The following ST8SIA4 variants were observed in gnomAD, a reference collection of about 807,000 sequenced individuals.
ST8SIA4 encodes the protein ST8 alpha-N-acetyl-neuraminide alpha-2,8-sialyltransferase 4.
Under a neutral mutation model 33.9 loss-of-function variants are expected in ST8SIA4, and 15 were observed. The ratio of observed to expected loss-of-function variants is 0.44; its 90% CI spans 0.30 to 0.68. The LOEUF is 0.68. Among genes scored for constraint, ST8SIA4 ranks in the 30% least tolerant of loss-of-function variants. The probability of loss-of-function intolerance (pLI) is 0.10; values close to 1 mark genes in which losing one functional copy is unlikely to be tolerated. For synonymous variants in ST8SIA4, 171 were observed against 151.2 expected (o/e 1.13, Z -0.96); for missense variants, 321 against 428.0 (o/e 0.75, Z 2.21).
chr5:100,856,759 A>G (rs1751822440), intron 3 of ST8SIA4, among the ~76,000 whole-genome samples: 1 of 152,208 alleles, frequency 6.6e-6, no homozygotes, highest in Admixed American at 6.5e-5. Context: ...GTCAATTTAA[A>G]CCACATGCTG....
At chr5:100,854,176 A>T (rs1751762360) in intron 4 of ST8SIA4, among the ~76,000 whole-genome samples, 1 of 148,198 alleles carries the variant, frequency 6.7e-6, no homozygotes, top group African/African-American at 2.5e-5. Flanking sequence ...TTTGTAACTT[A>T]AAAAAAAAAG....
intron 1 of ST8SIA4, among the ~76,000 whole-genome samples, chr5:100,901,564 C>T (rs182665949): frequency 3.0e-4 from 45 of 152,270 alleles, no homozygotes; most frequent in Admixed American, 2.9e-3. Context: ...CTTGTGTAAA[C>T]GACCTCATAC....
chr5:100,854,053 A>G (rs1751760301), intron 4 of ST8SIA4, among the ~76,000 whole-genome samples: 1 of 151,502 alleles, frequency 6.6e-6, no homozygotes, highest in Non-Finnish European at 1.5e-5. Context: ...TGTTTTTCAG[A>G]GTAACATGAT....
At chr5:100,874,475 A>G (rs1752262692) in intron 3 of ST8SIA4, among the ~76,000 whole-genome samples, 1 of 152,008 alleles carries the variant, frequency 6.6e-6, no homozygotes, top group African/African-American at 2.4e-5. Flanking sequence ...CACAGCATCA[A>G]TTTGATTCAT....
At chr5:100,897,794 G>A (rs1014433512) in intron 1 of ST8SIA4, among the ~76,000 whole-genome samples, 1 of 152,126 alleles carries the variant, frequency 6.6e-6, no homozygotes, top group Non-Finnish European at 1.5e-5. Flanking sequence ...AAAATGATAC[G>A]TTTGCATGCC....
chr5:100,892,386 A>G (rs1330898910), intron 2 of ST8SIA4, among the ~76,000 whole-genome samples: 1 of 152,134 alleles, frequency 6.6e-6, no homozygotes, highest in Admixed American at 6.6e-5. Context: ...TTTGAGTGCA[A>G]AGTTAGCTGT....
In ST8SIA4 at chr5:100,807,860, A is replaced by G. The variant is rs931986438; in HGVS notation, c.*3987T>C. On this transcript the variant is annotated 3_prime_UTR_variant, in exon 5 of 5. Transcript: ENST00000231461. The stretch of plus-strand genomic sequence containing the variant: ...ATATGCATCACACATGTCTATTTGT[A>G]CTATATAGGTATATCTATAGCACAT... The G allele has an allele frequency of 6.6e-6, 1 of 152,564 alleles. No individual in the cohort carries two copies. The highest frequency in any genetic ancestry group is 1.5e-5 in the Non-Finnish European group (1 of 67,966). 9.5% of individuals were successfully genotyped at this position (152,564 alleles called of 1,614,324 possible). A position where few individuals can be genotyped will look rare whatever the true frequency, so the allele number is the denominator to read the frequency against.
intron 4 of ST8SIA4, among the ~76,000 whole-genome samples, chr5:100,852,119 T>C (rs977202573): frequency 0.077 from 10,258 of 132,966 alleles, 379 homozygotes; most frequent in Non-Finnish European, 0.12. Flanking sequence ...CTCTTCTTTT[T>C]TTTTTTTTTT....
At chr5:100,878,940 G>A (rs1164058663) in intron 3 of ST8SIA4, among the ~76,000 whole-genome samples, 1 of 152,158 alleles carries the variant, frequency 6.6e-6, no homozygotes, top group Non-Finnish European at 1.5e-5. Context: ...TGGTGAGAGG[G>A]TGAGACAAAA....
chr5:100,878,535 C>T (rs952643555), intron 3 of ST8SIA4, among the ~76,000 whole-genome samples: 2 of 152,046 alleles, frequency 1.3e-5, no homozygotes, highest in African/African-American at 4.8e-5. Context: ...AATGATGACT[C>T]TTAAGTGCTA....
At position 100,891,493 on chromosome 5, in the gene ST8SIA4, G is replaced by C. The variant is rs145295263; in HGVS notation, c.245+4161C>G. Among the ~76,000 whole-genome samples, 1,051 of 152,010 alleles carry C rather than the reference G, an allele frequency of 6.9e-3. 4 individuals are homozygous for C. The highest frequency in any genetic ancestry group is 0.013 in the Admixed American group (195 of 15,256). On this transcript the variant is annotated intron_variant, in intron 2 of 4. Coordinates refer to ENST00000231461, the MANE Select transcript of ST8SIA4 (RefSeq NM_005668.6). Reference sequence around the variant, plus strand: ...AAACGTTTAACTGTACCTTATTTAGGATTTCTAAGTCCTAGCAGTTATGGG... The same window carrying C: ...AAACGTTTAACTGTACCTTATTTAGCATTTCTAAGTCCTAGCAGTTATGGG...
rs1293864425 is a variant in ST8SIA4, at chr5:100,886,546, G to A, written c.300C>T (p.Ser100=). The change falls in exon 3 of 5, where the codon AGC becomes AGT. Residue 100 remains serine (S), a synonymous_variant. Coordinates refer to ENST00000231461, the MANE Select transcript of ST8SIA4 (RefSeq NM_005668.6). ...GTATGACATCACCAGGCTTAAAACT[G>A]CTCTTGACCACTGACACATCTCGTT... ...DAERDVSVVK[S]SFKPGDVIHY... 8.7e-6 allele frequency: 14 copies of A among 1,613,724 alleles called. No homozygotes were observed. Among genetic ancestry groups the A allele is most frequent in the African/African-American group, 1.3e-5 (1 of 74,906 alleles).
intron 4 of ST8SIA4, among the ~76,000 whole-genome samples, chr5:100,825,189 T>G (rs1421899813): frequency 6.6e-6 from 1 of 152,172 alleles, no homozygotes; most frequent in Non-Finnish European, 1.5e-5. Context: ...TTGTTTTGAT[T>G]GGGTTCAAAT....
chr5:100,901,356 C>T (rs1752908867), intron 1 of ST8SIA4, among the ~76,000 whole-genome samples: 1 of 152,192 alleles, frequency 6.6e-6, no homozygotes, highest in Non-Finnish European at 1.5e-5. Flanking sequence ...TAGCCCACGG[C>T]CCGGGAGGGA....
intron 4 of ST8SIA4, among the ~76,000 whole-genome samples, chr5:100,813,140 C>T (rs895509057): frequency 1.1e-4 from 16 of 152,098 alleles, no homozygotes; most frequent in Non-Finnish European, 2.1e-4. Context: ...CTTTAGATTT[C>T]GCATATTATT....
rs546922447 is a variant in ST8SIA4, at chr5:100,867,459, C to T, written c.504-11063G>A. Among the ~76,000 whole-genome samples, 74 of 151,908 alleles carry T rather than the reference C, an allele frequency of 4.9e-4. No individual in the cohort carries two copies. In the East Asian group the frequency reaches 5.4e-3, roughly 11 times the overall value. Reference sequence around the variant, plus strand: ...AAATTATGTTGTGCACTAAAAAGAACGAAACAACATTTATTATGGCTGATA... The same window carrying T: ...AAATTATGTTGTGCACTAAAAAGAATGAAACAACATTTATTATGGCTGATA... On this transcript the variant is annotated intron_variant, in intron 3 of 4. Coordinates refer to ENST00000231461, the MANE Select transcript of ST8SIA4 (RefSeq NM_005668.6).
At chr5:100,899,873 C>T (rs1752862778) in intron 1 of ST8SIA4, among the ~76,000 whole-genome samples, 1 of 152,122 alleles carries the variant, frequency 6.6e-6, no homozygotes, top group South Asian at 2.1e-4. Flanking sequence ...CACTGCTCTT[C>T]AACTTAAACT....
chr5:100,878,667 T>A (rs1752354264), intron 3 of ST8SIA4, among the ~76,000 whole-genome samples: 1 of 152,206 alleles, frequency 6.6e-6, no homozygotes, highest in African/African-American at 2.4e-5. Context: ...AGTTTTCAAG[T>A]ATCTCCACAA....
intron 2 of ST8SIA4, among the ~76,000 whole-genome samples, chr5:100,891,948 G>A (rs1046079974): frequency 4.6e-5 from 7 of 151,932 alleles, no homozygotes; most frequent in African/African-American, 1.7e-4. Flanking sequence ...TATGCAATAG[G>A]AAATTTTTCT....
Sources: allele counts gnomAD v4.1 joint callset (sites outside exome capture counted in the v4.1 genomes callset), GRCh38; gene constraint gnomAD v4.1.1; transcripts MANE v1.5; gene names NCBI Gene and HGNC (gene_info 2026-07-23, HGNC 2026-07-21).